HYI: variants seen among roughly 807,000 people sequenced by gnomAD.
The protein encoded by HYI is hydroxypyruvate isomerase (putative).
In HYI, 47 loss-of-function variants were observed where a neutral mutation model predicts 39.7. The observed-to-expected ratio is 1.18, with a 90% CI of 0.94 to 1.51. The LOEUF (loss-of-function observed/expected upper bound fraction) is 1.51, where lower values mean the gene tolerates loss of function less well. Ranked by LOEUF, HYI falls within the 40% of genes most tolerant of loss-of-function variation. The pLI is 0.00. For missense variants in HYI, 465 were observed against 370.3 expected (o/e 1.26, Z -2.10); for synonymous variants, 186 against 158.8 (o/e 1.17, Z -1.29).
rs990052514 is a variant in HYI at position 43,453,619 on chromosome 1, GCC to G, written c.173_174del (p.Arg58ProfsTer59). 2 of 1,500,416 alleles carry G rather than the reference GCC, an allele frequency of 1.3e-6. No homozygotes were observed. Among genetic ancestry groups the G allele is most frequent in the African/African-American group, 2.9e-5 (2 of 68,436 alleles). The allele number at this position is 1,500,416 out of a possible 1,614,324, so 92.9% of individuals were successfully genotyped here. On this transcript the variant is annotated frameshift_variant, in exon 1 of 8. Transcript: ENST00000372430. LOFTEE classifies it high-confidence loss of function. ...LARAAREAGL[R>X]LVLINTPPGD... ...CCCGGGGGCGTGTTGATCAGTACAA[GCC>G]GCAGCCCCGCTTCTCGCGCGGCGCG...
chr1:43,450,734 G>A (rs1411101883), downstream of HYI: 9 of 698,194 alleles, frequency 1.3e-5, no homozygotes, highest in Non-Finnish European at 2.3e-5. The surrounding 1 kb of genome is among the most constrained non-coding windows in gnomAD (Gnocchi z 4.3). Flanking sequence ...GGACCCCTTG[G>A]GCCCTTCTGG....
At chr1:43,452,123 C>A in intron 3 of HYI, 82 bp downstream of exon 3, 1 of 1,487,350 alleles carries the variant, frequency 6.7e-7, no homozygotes, top group Non-Finnish European at 9.3e-7. Context: ...CTGGCAGCCT[C>A]ACGTGCTGTC....
At position 43,453,596 on chromosome 1, in the gene HYI, C is replaced by G. The variant is rs1435200367; in HGVS notation, c.198G>C (p.Pro66=). The G allele has an allele frequency of 6.6e-7, 1 of 1,524,452 alleles. No homozygotes were observed. Among genetic ancestry groups the G allele is most frequent in the East Asian group, 2.5e-5 (1 of 40,502 alleles). The allele number at this position is 1,524,452 out of a possible 1,614,324, so 94.4% of individuals were successfully genotyped here. ...CAGCCCTCCCGGCCCGCGACGCACCCGGGGGCGTGTTGATCAGTACAAGCC... is the reference window on the plus strand; with the variant it reads ...CAGCCCTCCCGGCCCGCGACGCACCGGGGGGCGTGTTGATCAGTACAAGCC... ...GLRLVLINTP[P]GDQEKGEMGL... Residue 66 remains proline, a splice_region_variant and synonymous_variant, in exon 1 of 8, where the codon CCG becomes CCC. Coordinates refer to ENST00000372430, the MANE Select transcript of HYI (RefSeq NM_001190880.3).
At position 43,451,269 on chromosome 1, in the gene HYI, TCCCA is replaced by T. The variant is rs779738884; in HGVS notation, c.799_802del (p.Trp267IlefsTer24). Reference sequence around the variant, plus strand: ...GCCAGCCTCTGGGTGGCCCCGCCTATCCCAGTATGAACGTAGCCAACTCAAGCCC... The same window carrying T: ...GCCAGCCTCTGGGTGGCCCCGCCTATGTATGAACGTAGCCAACTCAAGCCC... On this transcript the variant is annotated frameshift_variant, in exon 8 of 8. Transcript: ENST00000372430. LOFTEE classifies it high-confidence loss of function. 8.9e-5 allele frequency: 144 copies of T among 1,613,934 alleles called. No individual in the cohort carries two copies. Among genetic ancestry groups the T allele is most frequent in the Non-Finnish European group, 1.2e-4 (136 of 1,180,022 alleles).
Position 43,451,422 on chromosome 1 carries a change from A to G in HYI, c.748T>C (p.Tyr250His), listed in dbSNP as rs147961236. Residue 250 changes from tyrosine (Y) to histidine (H), a missense_variant, in exon 7 of 8, where the codon TAT becomes CAT. Transcript: ENST00000372430. ...EGYKGFVGCEYQPRGDTVEGL... is the reference protein window; with the variant it reads ...EGYKGFVGCEHQPRGDTVEGL... ...GGCCACGCCTCACCTCGAGGCTGATACTCACAGCCCACGAAGCCTTTGTAG... is the reference window on the plus strand; with the variant it reads ...GGCCACGCCTCACCTCGAGGCTGATGCTCACAGCCCACGAAGCCTTTGTAG... 4.2e-5 allele frequency: 67 copies of G among 1,612,944 alleles called. No individual in the cohort carries two copies. Among genetic ancestry groups the G allele is most frequent in the Non-Finnish European group, 5.6e-5 (66 of 1,179,906 alleles).
chr1:43,452,591 G>A, intron 2 of HYI: 1 of 601,936 alleles, frequency 1.7e-6, no homozygotes, highest in Non-Finnish European at 3.0e-6. Flanking sequence ...TCCGCAACCT[G>A]TAACCTGCTA....
At position 43,452,226 on chromosome 1, in the gene HYI, A is replaced by C; in HGVS notation, c.405T>G (p.His135Gln). ...TCACCTGAGCCAAAACCCCAGCTGC[A>C]TGCCTCAGGTTCTCCAGAAAAACGG... is the stretch of plus-strand genomic sequence containing the variant. ...MEAVFLENLR[H>Q]AAGVLAQEDL... Residue 135 changes from histidine (H) to glutamine (Q), a missense_variant, in exon 3 of 8, where the codon CAT becomes CAG. By Grantham distance (24) the His-to-Gln change is conservative (BLOSUM62 0). Coordinates refer to ENST00000372430, the MANE Select transcript of HYI (RefSeq NM_001190880.3). The C allele has an allele frequency of 6.2e-7, 1 of 1,613,556 alleles. No homozygotes were observed. Among genetic ancestry groups the C allele is most frequent in the Non-Finnish European group, 8.5e-7 (1 of 1,179,686 alleles).
downstream of HYI, chr1:43,450,626 G>A: frequency 3.2e-6 from 4 of 1,256,140 alleles, no homozygotes; most frequent in Non-Finnish European, 4.4e-6. This position sits in a 1 kb window ranked among gnomAD's most constrained non-coding sequence, Gnocchi z 4.3. Context: ...ACTATGTCTT[G>A]AGGGTCTGCT....
Position 43,451,438 on chromosome 1 carries a change from G to T in HYI, c.732C>A (p.Gly244=). 6.2e-7 allele frequency: 1 copy of T among 1,613,724 alleles called. No homozygotes were observed. Among genetic ancestry groups the T allele is most frequent in the South Asian group, 1.1e-5 (1 of 91,092 alleles). The change falls in exon 7 of 8, where the codon GGC becomes GGA. Residue 244 remains glycine (G), a synonymous_variant. Transcript: ENST00000372430. Reference sequence around the variant, plus strand: ...GAGGCTGATACTCACAGCCCACGAAGCCTTTGTAGCCTTCATCTTCCAGCA... The same window carrying T: ...GAGGCTGATACTCACAGCCCACGAATCCTTTGTAGCCTTCATCTTCCAGCA... ...FQLLEDEGYK[G]FVGCEYQPRG... is the part of the protein sequence containing the mutation.
rs774760125 is a variant in HYI, at chr1:43,452,018, C to G, written c.427-5G>C. 1 of 1,603,456 alleles carries G rather than the reference C, an allele frequency of 6.2e-7. No homozygotes were observed. The highest frequency in any genetic ancestry group is 1.7e-5 in the Admixed American group (1 of 59,518). The stretch of plus-strand genomic sequence containing the variant: ...CAGCAGTCCCACGAGGTCCTCCTAG[C>G]AGCATGTCGGGTGCTGTGAATAGAG... On this transcript the variant is annotated splice_polypyrimidine_tract_variant and splice_region_variant and intron_variant, in intron 3 of 7. Transcript: ENST00000372430.
Position 43,453,667 on chromosome 1 carries a change from C to A in HYI, c.127G>T (p.Glu43Ter). 6.8e-7 allele frequency: 1 copy of A among 1,481,372 alleles called. No homozygotes were observed. The highest frequency in any genetic ancestry group is 1.3e-5 in the South Asian group (1 of 77,722). The allele number at this position is 1,481,372 out of a possible 1,614,324, so 91.8% of individuals were successfully genotyped here. A position where few individuals can be genotyped will look rare whatever the true frequency, so the allele number is the denominator to read the frequency against. ...EAVEVAWPYA[E>*]TPEALARAAR... ...GCGCGCGCCAGCGCCTCAGGCGTCT[C>A]CGCGTACGGCCAGGCCACCTCGACG... The change falls in exon 1 of 8, where the codon GAG becomes TAG. Residue 43 changes from glutamate to a stop codon, truncating the protein, a stop_gained. Coordinates refer to ENST00000372430, the MANE Select transcript of HYI (RefSeq NM_001190880.3). LOFTEE classifies it high-confidence loss of function.
intron 6 of HYI, 38 bp downstream of exon 6, chr1:43,451,610 G>T: frequency 6.2e-7 from 1 of 1,613,994 alleles, no homozygotes; most frequent in South Asian, 1.1e-5. Context: ...CAGATGTGGG[G>T]ATTGAAAGGG....
rs1656746917 is a variant in HYI, at chr1:43,453,829, T to G, written c.-36A>C. On this transcript the variant is annotated 5_prime_UTR_variant, in exon 1 of 8. Coordinates refer to ENST00000372430, the MANE Select transcript of HYI (RefSeq NM_001190880.3). The stretch of plus-strand genomic sequence containing the variant: ...GCCGGGCCGGGCGGAGTCCGCGGGA[T>G]CCAAAGGCGGCGGGCGGCGGGCGGC... 1.7e-6 allele frequency: 2 copies of G among 1,209,652 alleles called. No individual in the cohort carries two copies. Among genetic ancestry groups the G allele is most frequent in the Non-Finnish European group, 2.1e-6 (2 of 975,574 alleles). The allele number at this position is 1,209,652 out of a possible 1,614,324, so 74.9% of individuals were successfully genotyped here.
chr1:43,450,838 G>A (rs1309751966), downstream of HYI: 2 of 710,010 alleles, frequency 2.8e-6, no homozygotes, highest in African/African-American at 3.4e-5. The surrounding 1 kb of genome is among the most constrained non-coding windows in gnomAD (Gnocchi z 4.3). Context: ...CTGCCCCCTA[G>A]CCTTTGACCA....
At chr1:43,450,878 C>T (rs138571741), downstream of HYI, 578 of 727,106 alleles carry the variant, frequency 7.9e-4, no homozygotes, top group Non-Finnish European at 1.3e-3. The surrounding 1 kb of genome is among the most constrained non-coding windows in gnomAD (Gnocchi z 4.3). Context: ...CTTGAGCCTT[C>T]GGGTCTTCAC....
At position 43,452,337 on chromosome 1, in the gene HYI, T is replaced by G; in HGVS notation, c.312-18A>C. On this transcript the variant is annotated intron_variant, in intron 2 of 7. Transcript: ENST00000372430. ...GGTGGATCCTGTGGGGAAGATGGAC[T>G]GGAGGCCTTGCCTCCCTTGGCTCTC... 1 of 1,594,028 alleles carries G rather than the reference T, an allele frequency of 6.3e-7. No individual in the cohort carries two copies.
intron 2 of HYI, 160 bp from the exon 3 acceptor site, chr1:43,452,479 CAGTGATGGCTGAGGG>C (rs1178641576): frequency 2.8e-6 from 2 of 710,414 alleles, no homozygotes; most frequent in Admixed American, 2.0e-5. Flanking sequence ...AGAGACACTT[CAGTGATGGCTGAGGG>C]GCAAGCCCTT....
In HYI at chr1:43,450,997, C is replaced by A; in HGVS notation, c.*241G>T. The stretch of plus-strand genomic sequence containing the variant: ...GGCCACCGTCAAGTCCCTTTGCTCT[C>A]GGACCCTGGGTTTCTCATCCTTTAA... On this transcript the variant is annotated 3_prime_UTR_variant, in exon 8 of 8. Transcript: ENST00000372430. This position sits in a 1 kb window ranked among gnomAD's most constrained non-coding sequence, Gnocchi z 4.3. The A allele has an allele frequency of 1.3e-6, 1 of 766,580 alleles. No homozygotes were observed. Among genetic ancestry groups the A allele is most frequent in the Non-Finnish European group, 2.4e-6 (1 of 420,034 alleles). The allele number at this position is 766,580 out of a possible 1,614,324, so 47.5% of individuals were successfully genotyped here.
At position 43,451,279 on chromosome 1, in the gene HYI, A is replaced by G. The variant is rs1231809578; in HGVS notation, c.793T>C (p.Ser265Pro). The G allele has an allele frequency of 1.2e-6, 2 of 1,613,998 alleles. No individual in the cohort carries two copies. Among genetic ancestry groups the G allele is most frequent in the Admixed American group, 3.3e-5 (2 of 60,032 alleles). The change falls in exon 8 of 8, where the codon TCA (serine) becomes CCA (proline). Residue 265 changes from serine to proline, a missense_variant. Physicochemically the swap from Ser to Pro is moderately conservative, Grantham distance 74. Coordinates refer to ENST00000372430, the MANE Select transcript of HYI (RefSeq NM_001190880.3). ...DTVEGLSWLR[S>P]YWDRRGHPEA... Reference sequence around the variant, plus strand: ...GGGTGGCCCCGCCTATCCCAGTATGAACGTAGCCAACTCAAGCCCTCTACT... The same window carrying G: ...GGGTGGCCCCGCCTATCCCAGTATGGACGTAGCCAACTCAAGCCCTCTACT...
Sources: allele counts gnomAD v4.1 joint callset, GRCh38; gene constraint gnomAD v4.1.1; non-coding constraint Gnocchi (gnomAD v3.1); transcripts MANE v1.5; gene names NCBI Gene and HGNC (gene_info 2026-07-23, HGNC 2026-07-21).